MVB12B: variants seen among roughly 807,000 people sequenced by gnomAD.
MVB12B encodes ESCRT-I complex subunit MVB12B.
A neutral mutation model predicts 41.6 loss-of-function variants in MVB12B; 16 were observed. The observed-to-expected ratio is 0.38, with a 90% CI of 0.26 to 0.58. The LOEUF (loss-of-function observed/expected upper bound fraction) is 0.58. MVB12B is among the 20% of genes least tolerant of loss of function. The pLI is 0.62. For synonymous variants in MVB12B, 133 were observed against 139.7 expected (o/e 0.95, Z 0.34); for missense variants, 274 against 380.2 (o/e 0.72, Z 2.32).
In MVB12B at chr9:126,330,499, A is replaced by C. The variant is rs1190989584; in HGVS notation, c.81+3489A>C. On this transcript the variant is annotated intron_variant, in intron 1 of 9. Transcript: ENST00000361171. ...TCATACTCAGACTTTATTGAGTCAG[A>C]ATCTCTGGGGAACGGGACCTGGAAT... Among the ~76,000 whole-genome samples, 13 of 152,174 alleles carry C rather than the reference A, an allele frequency of 8.5e-5. No individual in the cohort carries two copies. In the East Asian group the frequency reaches 2.5e-3, roughly 29 times the overall value.
In MVB12B at chr9:126,376,760, C is replaced by T; in HGVS notation, c.205-4304C>T. The T allele has an allele frequency of 5.7e-6, 7 of 1,221,394 alleles. No homozygotes were observed. The South Asian group carries it at 8.5e-5, about 15-fold the overall frequency. 75.7% of individuals were successfully genotyped at this position (1,221,394 alleles called of 1,614,324 possible). A position where few individuals can be genotyped will look rare whatever the true frequency, so the allele number is the denominator to read the frequency against. ...CCTCCTGACCTCCAGCCTCCTTCCC[C>T]ACCTGCCGGGCTTGTAGAGTCCTGA... On this transcript the variant is annotated intron_variant, in intron 2 of 9. Transcript: ENST00000361171. The surrounding 1 kb of genome is among the most constrained non-coding windows in gnomAD (Gnocchi z 4.1).
chr9:126,404,813 GT>G (rs1295081297), intron 6 of MVB12B, among the ~76,000 whole-genome samples: 2 of 152,232 alleles, frequency 1.3e-5, no homozygotes, highest in African/African-American at 4.8e-5. Flanking sequence ...GTTGATTCTG[GT>G]GATCGTGAGA....
intron 7 of MVB12B, among the ~76,000 whole-genome samples, chr9:126,475,533 G>C (rs951028671): frequency 1.1e-4 from 16 of 152,164 alleles, no homozygotes; most frequent in Non-Finnish European, 1.5e-5. Context: ...TCTAAAATAA[G>C]TGGGATTTGG....
In MVB12B at chr9:126,355,292, G is replaced by A. The variant is rs1031055203; in HGVS notation, c.204+14662G>A. On this transcript the variant is annotated intron_variant, in intron 2 of 9. Coordinates refer to ENST00000361171, the MANE Select transcript of MVB12B (RefSeq NM_033446.3). ...AGCAGGTGAGGGGCTGATCCTGGAA[G>A]CCCCATCCTAGGGGTCTGCGGAAAT... is the stretch of plus-strand genomic sequence containing the variant. Among the ~76,000 whole-genome samples, 3 of 152,230 alleles carry A rather than the reference G, an allele frequency of 2.0e-5. No individual in the cohort carries two copies. In the South Asian group the frequency reaches 6.2e-4, roughly 32 times the overall value.
At chr9:126,415,779 T>C (rs988019691) in intron 6 of MVB12B, among the ~76,000 whole-genome samples, 1 of 151,908 alleles carries the variant, frequency 6.6e-6, no homozygotes, top group African/African-American at 2.4e-5. Flanking sequence ...AAAGGTGTGG[T>C]GGAGATCATG....
chr9:126,339,557 C>T (rs544812743), intron 1 of MVB12B, among the ~76,000 whole-genome samples: 1 of 152,310 alleles, frequency 6.6e-6, no homozygotes, highest in African/African-American at 2.4e-5. Context: ...CATCAAGAGG[C>T]AGTCAGCAGC....
In MVB12B at chr9:126,448,981, C is replaced by T. The variant is rs139030631; in HGVS notation, c.757+27033C>T. Among the ~76,000 whole-genome samples the T allele has an allele frequency of 1.6e-3, 243 of 152,342 alleles. 2 individuals carry two copies. The highest frequency in any genetic ancestry group is 5.7e-3 in the African/African-American group (236 of 41,578). ...CCTGATGATACTCCAGGGGCCCACACCAGAGCGCTAGGCAGCGTGGCATAG... is the reference window on the plus strand; with the variant it reads ...CCTGATGATACTCCAGGGGCCCACATCAGAGCGCTAGGCAGCGTGGCATAG... On this transcript the variant is annotated intron_variant, in intron 7 of 9. Coordinates refer to ENST00000361171, the MANE Select transcript of MVB12B (RefSeq NM_033446.3).
At chr9:126,404,560 C>T (rs893281371) in intron 6 of MVB12B, among the ~76,000 whole-genome samples, 1 of 152,234 alleles carries the variant, frequency 6.6e-6, no homozygotes, top group African/African-American at 2.4e-5. Context: ...GGCTCCTGAC[C>T]AGCAACTGGT....
intron 7 of MVB12B, among the ~76,000 whole-genome samples, chr9:126,455,887 CTTTT>C (rs3983803): frequency 1.2e-4 from 12 of 103,048 alleles, no homozygotes; most frequent in Non-Finnish European, 1.6e-4. Flanking sequence ...TTCTTTCTTT[CTTTT>C]TTTTTTTTTT....
At chr9:126,373,562 G>A (rs1425293743) in intron 2 of MVB12B, among the ~76,000 whole-genome samples, 1 of 152,216 alleles carries the variant, frequency 6.6e-6, no homozygotes, top group Non-Finnish European at 1.5e-5. Flanking sequence ...AATTGTGGGT[G>A]GGCTCTCTTG....
chr9:126,457,192 A>T (rs1428538490), intron 7 of MVB12B, among the ~76,000 whole-genome samples: 1 of 152,018 alleles, frequency 6.6e-6, no homozygotes. Flanking sequence ...CACTGCGGCC[A>T]AGTCTCTCCC....
rs1460044568 is a variant in MVB12B at position 126,436,686 on chromosome 9, C to T, written c.757+14738C>T. Among the ~76,000 whole-genome samples the T allele has an allele frequency of 4.6e-5, 7 of 152,182 alleles. No individual in the cohort carries two copies. Among genetic ancestry groups the T allele is most frequent in the Non-Finnish European group, 7.3e-5 (5 of 68,034 alleles). On this transcript the variant is annotated intron_variant, in intron 7 of 9. Transcript: ENST00000361171. This position sits in a 1 kb window ranked among gnomAD's most constrained non-coding sequence, Gnocchi z 4.1. ...GTCTGGTTCCTTAAATCCGTAGTGGCTCAGCATATAGTCCTTTGTCTGGCA... is the reference window on the plus strand; with the variant it reads ...GTCTGGTTCCTTAAATCCGTAGTGGTTCAGCATATAGTCCTTTGTCTGGCA...
chr9:126,443,219 G>A (rs1057115345), intron 7 of MVB12B, among the ~76,000 whole-genome samples: 5 of 152,162 alleles, frequency 3.3e-5, no homozygotes, highest in East Asian at 1.9e-4. Flanking sequence ...ACATGGGACC[G>A]TGATTCCTTT....
At chr9:126,407,448 T>A (rs1167633382) in intron 6 of MVB12B, among the ~76,000 whole-genome samples, 1 of 152,156 alleles carries the variant, frequency 6.6e-6, no homozygotes, top group African/African-American at 2.4e-5. Context: ...TCTTCATACT[T>A]CTTCAATTCT....
intron 6 of MVB12B, among the ~76,000 whole-genome samples, chr9:126,410,138 G>A (rs1831589576): frequency 1.1e-5 from 1 of 91,644 alleles, no homozygotes; most frequent in Non-Finnish European, 2.3e-5. Context: ...CAGTGATTTG[G>A]TTTTGTGTGT....
intron 9 of MVB12B, among the ~76,000 whole-genome samples, chr9:126,490,850 A>C (rs1018585797): frequency 6.6e-6 from 1 of 152,224 alleles, no homozygotes; most frequent in Non-Finnish European, 1.5e-5. Flanking sequence ...GTCAGTCCTC[A>C]AGAGTGTAGT....
chr9:126,350,962 A>G (rs1462096648), intron 2 of MVB12B, among the ~76,000 whole-genome samples: 2 of 152,246 alleles, frequency 1.3e-5, no homozygotes, highest in African/African-American at 4.8e-5. Context: ...TTAAATCTGC[A>G]TATCAATTTG....
chr9:126,466,672 A>G (rs1833207246), intron 7 of MVB12B, among the ~76,000 whole-genome samples: 1 of 152,150 alleles, frequency 6.6e-6, no homozygotes, highest in Admixed American at 6.5e-5. Context: ...ATTTATTTAC[A>G]TACACTTTAG....
chr9:126,487,020 C>T (rs1316304730), intron 9 of MVB12B, among the ~76,000 whole-genome samples: 1 of 151,980 alleles, frequency 6.6e-6, no homozygotes, highest in Non-Finnish European at 1.5e-5. Context: ...ATCTGTGATT[C>T]ATTACAATGT....
Sources: gnomAD v4.1 joint callset for allele counts (sites outside exome capture counted in the v4.1 genomes callset) on GRCh38, gnomAD v4.1.1 for gene constraint, Gnocchi (gnomAD v3.1) non-coding constraint, MANE v1.5 for transcripts, NCBI Gene and HGNC (gene_info 2026-07-23, HGNC 2026-07-21) for gene names.